RASL10A: variants seen among roughly 807,000 people sequenced by gnomAD.
RASL10A encodes ras-like protein family member 10A.
RASL10A carries 13 observed loss-of-function variants against 17.3 expected under a neutral mutation model. The observed-to-expected ratio is 0.75, with a 90% CI of 0.49 to 1.20. The LOEUF (loss-of-function observed/expected upper bound fraction) is 1.20. Among genes scored for constraint, RASL10A ranks in the 50% most tolerant of loss-of-function variants. The pLI is 0.00. For synonymous variants in RASL10A, 159 were observed against 142.2 expected (o/e 1.12, Z -0.84); for missense variants, 307 against 310.3 (o/e 0.99, Z 0.08).
intron 1 of RASL10A, 138 bp from the exon 2 acceptor site, chr22:29,314,125 C>G: frequency 8.2e-7 from 1 of 1,214,532 alleles, no homozygotes; most frequent in Admixed American, 2.8e-5. Flanking sequence ...CCAAGCTTTC[C>G]GGGCCGTCTC....
At chr22:29,316,159 C>T (rs2061453120), upstream of RASL10A, among the ~76,000 whole-genome samples, 1 of 152,224 alleles carries the variant, frequency 6.6e-6, no homozygotes, top group Non-Finnish European at 1.5e-5. Context: ...ACGTGATTCT[C>T]GAACCTACAG....
rs1437033256 is a variant in RASL10A at position 29,315,186 on chromosome 22, T to C, written c.61A>G (p.Ile21Val). 3 of 1,540,172 alleles carry C rather than the reference T, an allele frequency of 1.9e-6. No individual in the cohort carries two copies. Among genetic ancestry groups the C allele is most frequent in the Non-Finnish European group, 2.6e-6 (3 of 1,150,704 alleles). The part of the protein sequence containing the change: ...GAPGVGKTAI[I>V]RQFLFGDYPE... Reference sequence around the variant, plus strand: ...TAGTCACCGAACAGGAACTGGCGGATGATGGCCGTCTTGCCCACGCCCGGG... The same window carrying C: ...TAGTCACCGAACAGGAACTGGCGGACGATGGCCGTCTTGCCCACGCCCGGG... Residue 21 changes from isoleucine (I) to valine (V), a missense_variant, in exon 1 of 3, where the codon ATC (isoleucine) becomes GTC (valine). Ile to Val is a conservative substitution (Grantham distance 29). Transcript: ENST00000216101. The surrounding 1 kb of genome is among the most constrained non-coding windows in gnomAD (Gnocchi z 5.5).
Position 29,313,242 on chromosome 22 carries a change from C to T in RASL10A, c.*59G>A. 3 of 1,441,336 alleles carry T rather than the reference C, an allele frequency of 2.1e-6. No homozygotes were observed. The highest frequency in any genetic ancestry group is 2.6e-5 in the East Asian group (1 of 38,122). The allele number at this position is 1,441,336 out of a possible 1,614,324, so 89.3% of individuals were successfully genotyped here. The stretch of plus-strand genomic sequence containing the variant: ...TGAAGTTGGGCGATCCCGTCCAATC[C>T]AGGTCCCTGATTGTCCCAGTCACAA... On this transcript the variant is annotated 3_prime_UTR_variant, in exon 3 of 3. Transcript: ENST00000216101.
chr22:29,313,505 C>G lies in RASL10A; in HGVS notation c.408G>C (p.Leu136=). Residue 136 remains leucine, a synonymous_variant, in exon 3 of 3, where the codon CTG becomes CTC. Coordinates refer to ENST00000216101, the MANE Select transcript of RASL10A (RefSeq NM_006477.5). ...CCAGCGCGCGCCGCGGTCCGAAGCG[C>G]AGCCGCTGCCTGTCCCGCTTGTTGC... is the stretch of plus-strand genomic sequence containing the variant. The part of the protein sequence containing the change: ...VVGNKRDRQR[L]RFGPRRALAA... 1.3e-6 allele frequency: 2 copies of G among 1,569,680 alleles called. No individual in the cohort carries two copies. The highest frequency in any genetic ancestry group is 1.7e-6 in the Non-Finnish European group (2 of 1,165,914).
At chr22:29,316,483 C>T (rs149017443), upstream of RASL10A, among the ~76,000 whole-genome samples, 1 of 152,344 alleles carries the variant, frequency 6.6e-6, no homozygotes, top group East Asian at 1.9e-4. Flanking sequence ...ACCTTTCCTG[C>T]GTGAGTTGCA....
rs1430558393 is a variant in RASL10A at position 29,313,527 on chromosome 22, T to C, written c.386A>G (p.Asn129Ser). 4 of 1,569,680 alleles carry C rather than the reference T, an allele frequency of 2.5e-6. No homozygotes were observed. Among genetic ancestry groups the C allele is most frequent in the Non-Finnish European group, 3.4e-6 (4 of 1,166,062 alleles). The part of the protein sequence containing the change: ...APEAPILVVG[N>S]KRDRQRLRFG... ...GCGCAGCCGCTGCCTGTCCCGCTTG[T>C]TGCCTACCACGAGGATGGGCGCTTC... Residue 129 changes from asparagine (N) to serine (S), a missense_variant, in exon 3 of 3, where the codon AAC (asparagine) becomes AGC (serine). Physicochemically the swap from Asn to Ser is conservative, Grantham distance 46. Coordinates refer to ENST00000216101, the MANE Select transcript of RASL10A (RefSeq NM_006477.5).
At chr22:29,314,126 G>A (rs376626803) in intron 1 of RASL10A, 139 bp from the exon 2 acceptor site, 40 of 1,216,266 alleles carry the variant, frequency 3.3e-5, no homozygotes, top group South Asian at 1.6e-4. Context: ...CAAGCTTTCC[G>A]GGCCGTCTCC....
upstream of RASL10A, among the ~76,000 whole-genome samples, chr22:29,318,224 C>T (rs2061462248): frequency 6.6e-6 from 1 of 152,230 alleles, no homozygotes; most frequent in Non-Finnish European, 1.5e-5. Flanking sequence ...CTAGGAGACT[C>T]TCACAGCAGC....
At position 29,313,370 on chromosome 22, in the gene RASL10A, G is replaced by T. The variant is rs8142725; in HGVS notation, c.543C>A (p.Arg181=). Residue 181 remains arginine, a synonymous_variant, in exon 3 of 3, where the codon CGC becomes CGA. Transcript: ENST00000216101. ...GCAGGGCCGGGTGTGCAGGGCGCGC[G>T]CGCACCAGAGCGCAGCGCAGCAGCT... ...FRELLRCALV[R]ARPAHPALRL... 1 of 1,543,042 alleles carries T rather than the reference G, an allele frequency of 6.5e-7. No homozygotes were observed. The highest frequency in any genetic ancestry group is 1.2e-5 in the South Asian group (1 of 83,930).
Position 29,312,990 on chromosome 22 carries a change from G to C in RASL10A, c.*311C>G. ...AGGTGTGGCATAAAGAATATGTCCA[G>C]TGAAGCTCCAGGAGCAGGCTGCGTG... On this transcript the variant is annotated 3_prime_UTR_variant, in exon 3 of 3. Transcript: ENST00000216101. The C allele has an allele frequency of 2.6e-6, 1 of 382,832 alleles. No homozygotes were observed. Among genetic ancestry groups the C allele is most frequent in the Non-Finnish European group, 4.6e-6 (1 of 216,422 alleles). 23.7% of individuals were successfully genotyped at this position (382,832 alleles called of 1,614,324 possible).
chr22:29,315,274 C>T lies in RASL10A; in HGVS notation c.-28G>A. 1 of 1,419,008 alleles carries T rather than the reference C, an allele frequency of 7.0e-7. No individual in the cohort carries two copies. Among genetic ancestry groups the T allele is most frequent in the Non-Finnish European group, 9.1e-7 (1 of 1,093,334 alleles). 87.9% of individuals were successfully genotyped at this position (1,419,008 alleles called of 1,614,324 possible). A position where few individuals can be genotyped will look rare whatever the true frequency, so the allele number is the denominator to read the frequency against. ...CCGGCCGGCGCTGTCGCTCCCCGCG[C>T]TGGAAAGCCTCATGGGCCGGCGCCG... On this transcript the variant is annotated 5_prime_UTR_variant, in exon 1 of 3. Transcript: ENST00000216101. This position sits in a 1 kb window ranked among gnomAD's most constrained non-coding sequence, Gnocchi z 5.5.
At chr22:29,314,093 T>G (rs1442726485) in intron 1 of RASL10A, 106 bp from the exon 2 acceptor site, 2 of 1,449,274 alleles carry the variant, frequency 1.4e-6, no homozygotes, top group Non-Finnish European at 1.9e-6. Context: ...ATCACCCCCA[T>G]ACAGACCTCT....
upstream of RASL10A, chr22:29,317,024 G>C (rs2061457521): frequency 6.6e-6 from 1 of 152,214 alleles, no homozygotes. Context: ...AGTGTCTCCA[G>C]AACAATGGCT....
chr22:29,313,838 A>G (rs1329759430), intron 2 of RASL10A, 25 bp downstream of exon 2: 1 of 1,611,274 alleles, frequency 6.2e-7, no homozygotes, highest in Admixed American at 1.7e-5. Context: ...CTAGCTCCCC[A>G]CCGCCAGAAC....
rs1288280616 is a variant in RASL10A at position 29,313,263 on chromosome 22, C to A, written c.*38G>T. On this transcript the variant is annotated 3_prime_UTR_variant, in exon 3 of 3. Transcript: ENST00000216101. Reference sequence around the variant, plus strand: ...AATCCAGGTCCCTGATTGTCCCAGTCACAAGGTGGGGCCCATGGATGGCAC... The same window carrying A: ...AATCCAGGTCCCTGATTGTCCCAGTAACAAGGTGGGGCCCATGGATGGCAC... The A allele has an allele frequency of 1.4e-6, 2 of 1,451,864 alleles. No homozygotes were observed. Among genetic ancestry groups the A allele is most frequent in the South Asian group, 2.8e-5 (2 of 70,224 alleles). 89.9% of individuals were successfully genotyped at this position (1,451,864 alleles called of 1,614,324 possible). A position where few individuals can be genotyped will look rare whatever the true frequency, so the allele number is the denominator to read the frequency against.
chr22:29,313,061 G>T lies in RASL10A; in HGVS notation c.*240C>A. ...CAAGTCCTTTCCATCCAATGGGATT[G>T]TGACCCATTGAGGTCCCAGAAAGGA... is the stretch of plus-strand genomic sequence containing the variant. On this transcript the variant is annotated 3_prime_UTR_variant, in exon 3 of 3. Coordinates refer to ENST00000216101, the MANE Select transcript of RASL10A (RefSeq NM_006477.5). 2.2e-6 allele frequency: 1 copy of T among 462,028 alleles called. No individual in the cohort carries two copies. The highest frequency in any genetic ancestry group is 3.7e-6 in the Non-Finnish European group (1 of 268,588). The allele number at this position is 462,028 out of a possible 1,614,324, so 28.6% of individuals were successfully genotyped here. A position where few individuals can be genotyped will look rare whatever the true frequency, so the allele number is the denominator to read the frequency against.
At position 29,315,236 on chromosome 22, in the gene RASL10A, C is replaced by T; in HGVS notation, c.11G>A (p.Ser4Asn). The T allele has an allele frequency of 6.6e-7, 1 of 1,505,462 alleles. No homozygotes were observed. The highest frequency in any genetic ancestry group is 8.8e-7 in the Non-Finnish European group (1 of 1,135,096). The allele number at this position is 1,505,462 out of a possible 1,614,324, so 93.3% of individuals were successfully genotyped here. The change falls in exon 1 of 3, where the codon AGC becomes AAC. Residue 4 changes from serine (S) to asparagine (N), a missense_variant. Transcript: ENST00000216101. The surrounding 1 kb of genome is among the most constrained non-coding windows in gnomAD (Gnocchi z 5.5). ...GGCGCCTAGAACGGCCACCCGCAGGCTACCCCCCATGGCCGGCCGGCGCTG... is the reference window on the plus strand; with the variant it reads ...GGCGCCTAGAACGGCCACCCGCAGGTTACCCCCCATGGCCGGCCGGCGCTG... MGG[S>N]LRVAVLGAPG...
rs1281107231 is a variant in RASL10A, at chr22:29,313,281, G to A, written c.*20C>T. 8 of 1,473,986 alleles carry A rather than the reference G, an allele frequency of 5.4e-6. No homozygotes were observed. The African/African-American group carries it at 8.7e-5, about 16-fold the overall frequency. The allele number at this position is 1,473,986 out of a possible 1,614,324, so 91.3% of individuals were successfully genotyped here. A position where few individuals can be genotyped will look rare whatever the true frequency, so the allele number is the denominator to read the frequency against. On this transcript the variant is annotated 3_prime_UTR_variant, in exon 3 of 3. Transcript: ENST00000216101. Reference sequence around the variant, plus strand: ...TCCCAGTCACAAGGTGGGGCCCATGGATGGCACTGTCCGATCGGGTCACAT... The same window carrying A: ...TCCCAGTCACAAGGTGGGGCCCATGAATGGCACTGTCCGATCGGGTCACAT...
In RASL10A at chr22:29,313,911, T is replaced by C. The variant is rs928669645; in HGVS notation, c.296A>G (p.Asp99Gly). The stretch of plus-strand genomic sequence containing the variant: ...CAGGGCCTTCACGTAGTCGAAACTG[T>C]CCGGGCTGCAGATGTCGTAGACGAG... ...FVLVYDICSPDSFDYVKALRQ... is the reference protein window; with the variant it reads ...FVLVYDICSPGSFDYVKALRQ... The change falls in exon 2 of 3, where the codon GAC becomes GGC. Residue 99 changes from aspartate to glycine, a missense_variant. Physicochemically the swap from Asp to Gly is moderately conservative, Grantham distance 94. Transcript: ENST00000216101. 1.9e-6 allele frequency: 3 copies of C among 1,613,982 alleles called. No individual in the cohort carries two copies. Among genetic ancestry groups the C allele is most frequent in the South Asian group, 1.1e-5 (1 of 91,080 alleles).
Sources: gnomAD v4.1 joint callset for allele counts (sites outside exome capture counted in the v4.1 genomes callset) on GRCh38, gnomAD v4.1.1 for gene constraint, Gnocchi (gnomAD v3.1) non-coding constraint, MANE v1.5 for transcripts, NCBI Gene and HGNC (gene_info 2026-07-23, HGNC 2026-07-21) for gene names.